The following ZMYND11 variants were observed in gnomAD, a reference collection of about 807,000 sequenced individuals.
ZMYND11 encodes the protein zinc finger MYND domain-containing protein 11.
ZMYND11 carries 9 observed loss-of-function variants against 84.9 expected under a neutral mutation model. The ratio of observed to expected loss-of-function variants is 0.11; its 90% confidence interval spans 0.06 to 0.18. The LOEUF is 0.18. Among genes scored for constraint, ZMYND11 ranks in the 10% least tolerant of loss-of-function variants. The pLI is 1.00. For missense variants in ZMYND11, 409 were observed against 761.0 expected, an observed-to-expected ratio of 0.54 and a Z score of 5.44; for synonymous variants, 250 against 244.1, an observed-to-expected ratio of 1.02 and a Z score of -0.23.
At chr10:158,991 G>GTTTTTTTTTTT (rs71374342) in intron 1 of ZMYND11, among the ~76,000 whole-genome samples, 2 of 58,606 alleles carry the variant, frequency 3.4e-5, no homozygotes, top group Admixed American at 2.6e-4. Context: ...TTTGTTTTTT[G>GTTTTTTTTTTT]TTTTTTTTTT....
intron 2 of ZMYND11, among the ~76,000 whole-genome samples, chr10:186,007 C>CT (rs1302174625): frequency 0.036 from 5,188 of 142,170 alleles, 91 homozygotes; most frequent in Non-Finnish European, 0.045. Context: ...ACACAGGATT[C>CT]TTTTTTTTTT....
chr10:230,880 T>C (rs1029659115), intron 4 of ZMYND11, among the ~76,000 whole-genome samples: 12 of 152,308 alleles, frequency 7.9e-5, no homozygotes, highest in African/African-American at 2.9e-4. Flanking sequence ...GTTTACTGTG[T>C]GCCAGATGCT....
At chr10:216,122 G>A (rs1446768332) in intron 3 of ZMYND11, among the ~76,000 whole-genome samples, 1 of 152,102 alleles carries the variant, frequency 6.6e-6, no homozygotes, top group African/African-American at 2.4e-5. Context: ...ATTTAGCTTA[G>A]CTCACATCTT....
chr10:233,976 A>AAGAT (rs370337848), intron 4 of ZMYND11, among the ~76,000 whole-genome samples: 3 of 152,364 alleles, frequency 2.0e-5, no homozygotes, highest in East Asian at 1.9e-4. Context: ...TCTATTTAAA[A>AAGAT]AGATAGAACC....
At position 236,839 on chromosome 10, in the gene ZMYND11, G is replaced by A. The variant is rs1178826446; in HGVS notation, c.440G>A (p.Ser147Asn). 1 of 1,608,716 alleles carries A rather than the reference G, an allele frequency of 6.2e-7. No individual in the cohort carries two copies. Among genetic ancestry groups the A allele is most frequent in the Non-Finnish European group, 8.5e-7 (1 of 1,177,386 alleles). ...SSPWQCPVCR[S>N]IKKKNTNKQE... is the part of the protein sequence containing the mutation. ...TTTTTATTCTTTTTTTTTCAATAGA[G>A]CATTAAGAAGAAGAATACAAACAAA... The change falls in exon 5 of 15, where the codon AGC becomes AAC. Residue 147 changes from serine to asparagine, a missense_variant and splice_region_variant. Ser to Asn is a conservative substitution (Grantham distance 46, BLOSUM62 1). This residue lies in a region of ZMYND11 where 53 missense variants were observed against 71.1 expected (regional missense o/e 0.75). Transcript: ENST00000381604.
upstream of ZMYND11, among the ~76,000 whole-genome samples, chr10:133,793 A>G (rs545664374): frequency 1.3e-5 from 2 of 152,210 alleles, no homozygotes; most frequent in South Asian, 2.1e-4. Flanking sequence ...AGCGATATAT[A>G]TTTACTCTTA....
At chr10:230,284 C>T (rs1347659887) in intron 4 of ZMYND11, among the ~76,000 whole-genome samples, 1 of 151,840 alleles carries the variant, frequency 6.6e-6, no homozygotes, top group African/African-American at 2.4e-5. Context: ...ACAATCCTGG[C>T]CAATATGGTG....
chr10:174,291 A>G (rs1307945275), intron 1 of ZMYND11, among the ~76,000 whole-genome samples: 3 of 152,224 alleles, frequency 2.0e-5, no homozygotes, highest in Non-Finnish European at 2.9e-5. Flanking sequence ...AAGGAGGCCA[A>G]CCTGAAAAGG....
intron 1 of ZMYND11, among the ~76,000 whole-genome samples, chr10:168,789 C>A (rs1191464947): frequency 2.0e-5 from 3 of 152,140 alleles, no homozygotes; most frequent in Non-Finnish European, 4.4e-5. Context: ...TCACAACTTA[C>A]CGGAACACAA....
At chr10:150,661 G>A (rs1840115190) in intron 1 of ZMYND11, among the ~76,000 whole-genome samples, 1 of 152,228 alleles carries the variant, frequency 6.6e-6, no homozygotes, top group Non-Finnish European at 1.5e-5. Flanking sequence ...TCTGGGGGCA[G>A]GGCATAGCCG....
chr10:208,368 G>A (rs1312932628), intron 2 of ZMYND11, among the ~76,000 whole-genome samples: 2 of 151,956 alleles, frequency 1.3e-5, no homozygotes, highest in Non-Finnish European at 2.9e-5. Flanking sequence ...CTACAAAATG[G>A]GAGAAAATTT....
intron 6 of ZMYND11, among the ~76,000 whole-genome samples, chr10:238,557 C>T (rs982837572): frequency 1.3e-4 from 19 of 151,996 alleles, no homozygotes; most frequent in South Asian, 4.1e-4. Context: ...GGGGTTTCAC[C>T]GTTTTAGCCA....
chr10:140,615 T>C (rs2131128520), intron 1 of ZMYND11, among the ~76,000 whole-genome samples: 1 of 152,388 alleles, frequency 6.6e-6, no homozygotes, highest in African/African-American at 2.4e-5. Flanking sequence ...TCATTGCATA[T>C]ATATTTTTCC....
intron 1 of ZMYND11, among the ~76,000 whole-genome samples, chr10:151,130 A>AC (rs1840240003): frequency 6.6e-6 from 1 of 152,222 alleles, no homozygotes; most frequent in Non-Finnish European, 1.5e-5. Flanking sequence ...AACAGAGCAG[A>AC]AAAGCTCAAA....
chr10:153,542 G>A (rs1237114255), intron 1 of ZMYND11, among the ~76,000 whole-genome samples: 5 of 151,906 alleles, frequency 3.3e-5, no homozygotes, highest in African/African-American at 1.2e-4. Flanking sequence ...TCTTTTATTG[G>A]CATACATTCT....
At chr10:208,616 C>T (rs1944615380) in intron 2 of ZMYND11, among the ~76,000 whole-genome samples, 1 of 152,216 alleles carries the variant, frequency 6.6e-6, no homozygotes, top group Non-Finnish European at 1.5e-5. Flanking sequence ...GTTCATGACT[C>T]TGCACTGTGG....
intron 2 of ZMYND11, among the ~76,000 whole-genome samples, chr10:200,318 CAT>C (rs201839733): frequency 2.1e-5 from 3 of 142,466 alleles, no homozygotes; most frequent in African/African-American, 5.2e-5. Context: ...TAATATATAA[CAT>C]ATAATATGTA....
At position 135,493 on chromosome 10, in the gene ZMYND11, A is replaced by C. The variant is rs1835736237; in HGVS notation, c.-86A>C. 1 of 152,412 alleles carries C rather than the reference A, an allele frequency of 6.6e-6. No individual in the cohort carries two copies. Among genetic ancestry groups the C allele is most frequent in the African/African-American group, 2.5e-5 (1 of 40,716 alleles). 9.4% of individuals were successfully genotyped at this position (152,412 alleles called of 1,614,324 possible). On this transcript the variant is annotated 5_prime_UTR_variant, in exon 1 of 15. Coordinates refer to ENST00000381604, the MANE Select transcript of ZMYND11 (RefSeq NM_001370100.5). This position sits in a 1 kb window ranked among gnomAD's most constrained non-coding sequence, Gnocchi z 5.6. ...GCCCGAGAGGCGCCGGGCGGCGGGA[A>C]GGAGGCGGCACCGGAGGGGAGGGCC...
chr10:197,741 G>T (rs911489913), intron 2 of ZMYND11, among the ~76,000 whole-genome samples: 5 of 152,298 alleles, frequency 3.3e-5, no homozygotes, highest in Non-Finnish European at 7.4e-5. Flanking sequence ...GTGGCAGAGT[G>T]TAGTCCTATG....
Sources: allele counts gnomAD v4.1 joint callset (sites outside exome capture counted in the v4.1 genomes callset), GRCh38; gene constraint gnomAD v4.1.1; regional missense constraint gnomAD v4.1.1; non-coding constraint Gnocchi (gnomAD v3.1); transcripts MANE v1.5; gene names NCBI Gene and HGNC (gene_info 2026-07-23, HGNC 2026-07-21).